KCNA2: variants seen among roughly 807,000 people sequenced by gnomAD.
KCNA2 encodes potassium channel, voltage gated shaker related subfamily A, member 2.
In KCNA2, 11 loss-of-function variants were observed where a neutral mutation model predicts 33.4. The observed-to-expected ratio is 0.33, with a 90% confidence interval of 0.21 to 0.55. The LOEUF (loss-of-function observed/expected upper bound fraction) is 0.55. Among genes scored for constraint, KCNA2 ranks in the 20% least tolerant of loss-of-function variants. KCNA2 has a pLI of 0.93. For synonymous variants in KCNA2, 222 were observed against 231.3 expected, an observed-to-expected ratio of 0.96 and a Z score of 0.37; for missense variants, 291 against 621.6, an observed-to-expected ratio of 0.47 and a Z score of 5.66.
upstream of KCNA2, among the ~76,000 whole-genome samples, chr1:110,611,335 C>A (rs184377849): frequency 4.8e-4 from 73 of 152,362 alleles, no homozygotes; most frequent in Admixed American, 3.9e-4. Flanking sequence ...AGATTAACTT[C>A]AGCTGCCTCT....
At position 110,599,775 on chromosome 1, in the gene KCNA2, G is replaced by A; in HGVS notation, c.*3508C>T. ...TTAAGAGAATAGGGCTGAATCTGGA[G>A]ATCCCAGGTGCTGGGAGAAGGGGAG... On this transcript the variant is annotated 3_prime_UTR_variant, in exon 3 of 3. Transcript: ENST00000316361. The A allele has an allele frequency of 1.0e-6, 1 of 985,500 alleles. No homozygotes were observed. The highest frequency in any genetic ancestry group is 1.2e-6 in the Non-Finnish European group (1 of 830,010). The allele number at this position is 985,500 out of a possible 1,614,324, so 61.0% of individuals were successfully genotyped here.
rs1039006496 is a variant in KCNA2, at chr1:110,600,374, T to G, written c.*2909A>C. The G allele has an allele frequency of 1.7e-5, 17 of 984,884 alleles. No homozygotes were observed. Among genetic ancestry groups the G allele is most frequent in the Non-Finnish European group, 2.0e-5 (17 of 829,794 alleles). The allele number at this position is 984,884 out of a possible 1,614,324, so 61.0% of individuals were successfully genotyped here. A position where few individuals can be genotyped will look rare whatever the true frequency, so the allele number is the denominator to read the frequency against. Reference sequence around the variant, plus strand: ...TGCATTTTGTCCATGTAGTTTTTTATGTATTTTGCATCTGAGTTTCAGGTT... The same window carrying G: ...TGCATTTTGTCCATGTAGTTTTTTAGGTATTTTGCATCTGAGTTTCAGGTT... On this transcript the variant is annotated 3_prime_UTR_variant, in exon 3 of 3. Coordinates refer to ENST00000316361, the MANE Select transcript of KCNA2 (RefSeq NM_004974.4).
At chr1:110,608,080 GGT>G (rs1649741446), upstream of KCNA2, 1 of 152,468 alleles carries the variant, frequency 6.6e-6, no homozygotes, top group Non-Finnish European at 1.5e-5. Flanking sequence ...CCTTGGGAAT[GGT>G]CAGCTACTCA....
In KCNA2 at chr1:110,595,134, C is replaced by A; in HGVS notation, c.*8149G>T. On this transcript the variant is annotated 3_prime_UTR_variant, in exon 3 of 3. Coordinates refer to ENST00000316361, the MANE Select transcript of KCNA2 (RefSeq NM_004974.4). ...GATAGCTACCAAGGGTCCTAGCACA[C>A]AGCCACATCTACACTGCCCTCAATG... is the stretch of plus-strand genomic sequence containing the variant. 2.0e-6 allele frequency: 2 copies of A among 985,390 alleles called. No individual in the cohort carries two copies. The highest frequency in any genetic ancestry group is 4.7e-5 in the South Asian group (1 of 21,274). The allele number at this position is 985,390 out of a possible 1,614,324, so 61.0% of individuals were successfully genotyped here. A position where few individuals can be genotyped will look rare whatever the true frequency, so the allele number is the denominator to read the frequency against.
upstream of KCNA2, among the ~76,000 whole-genome samples, chr1:110,608,675 G>A (rs533332935): frequency 6.6e-6 from 1 of 152,290 alleles, no homozygotes; most frequent in East Asian, 1.9e-4. Context: ...GGCTGGTATG[G>A]TTTAGAGCAC....
At chr1:110,619,358 G>T (rs936918870) in intron 1 of KCNA2, among the ~76,000 whole-genome samples, 18 of 152,212 alleles carry the variant, frequency 1.2e-4, no homozygotes, top group African/African-American at 4.3e-4. Context: ...CTTGTGCCTG[G>T]CACATAGGAA....
intron 1 of KCNA2, among the ~76,000 whole-genome samples, chr1:110,620,090 G>GAGAA (rs1491408571): frequency 3.1e-5 from 4 of 131,124 alleles, no homozygotes; most frequent in African/African-American, 1.3e-4. Context: ...GAGAGAGAGT[G>GAGAA]AGTGAGAGAG....
rs201611497 is a variant in KCNA2 at position 110,594,823 on chromosome 1, A to ATGTGCTCCTG, written c.*8459_*8460insCAGGAGCACA. The ATGTGCTCCTG allele has an allele frequency of 7.2e-4, 708 of 985,440 alleles. 2 individuals carry two copies. The African/African-American group carries it at 0.012, about 16-fold the overall frequency. 61.0% of individuals were successfully genotyped at this position (985,440 alleles called of 1,614,324 possible). On this transcript the variant is annotated 3_prime_UTR_variant, in exon 3 of 3. Coordinates refer to ENST00000316361, the MANE Select transcript of KCNA2 (RefSeq NM_004974.4). ...TATCCCATTTCTTAGCCTGGAGCTG[A>ATGTGCTCCTG]TGTGCTCCTTTCCAGCCCCACCTGG...
At chr1:110,607,333 T>TGCGG (rs1159101808), upstream of KCNA2, 1 of 150,620 alleles carries the variant, frequency 6.6e-6, no homozygotes, top group Admixed American at 6.6e-5. Flanking sequence ...GGCGGCGGGG[T>TGCGG]GCGGGCGGCC....
Position 110,602,431 on chromosome 1 carries a change from A to G in KCNA2, c.*852T>C. 7.6e-7 allele frequency: 1 copy of G among 1,314,288 alleles called. No individual in the cohort carries two copies. Among genetic ancestry groups the G allele is most frequent in the Non-Finnish European group, 9.7e-7 (1 of 1,031,778 alleles). 81.4% of individuals were successfully genotyped at this position (1,314,288 alleles called of 1,614,324 possible). A position where few individuals can be genotyped will look rare whatever the true frequency, so the allele number is the denominator to read the frequency against. The stretch of plus-strand genomic sequence containing the variant: ...TGCAGCTCTATTGCATCACTGGTAA[A>G]TTTCACTGCAGTGTCAGTGTAGCTG... On this transcript the variant is annotated 3_prime_UTR_variant, in exon 3 of 3. Coordinates refer to ENST00000316361, the MANE Select transcript of KCNA2 (RefSeq NM_004974.4).
Position 110,621,337 on chromosome 1 carries a change from C to T in KCNA2, c.-496+10058G>A, listed in dbSNP as rs114216736. 9.5e-3 allele frequency among the ~76,000 whole-genome samples: 1,444 copies of T among 152,194 alleles called. 21 individuals carry two copies. Among genetic ancestry groups the T allele is most frequent in the African/African-American group, 0.033 (1,386 of 41,512 alleles). On this transcript the variant is annotated intron_variant, in intron 1 of 4. Coordinates refer to the KCNA2 transcript ENST00000369770. ...GCCTGATTATAACTTCATTAAAAAGCAACAACAAGGGGTAGGATTTCTAGC... is the reference window on the plus strand; with the variant it reads ...GCCTGATTATAACTTCATTAAAAAGTAACAACAAGGGGTAGGATTTCTAGC...
In KCNA2 at chr1:110,604,838, G is replaced by C; in HGVS notation, c.-56C>G. On this transcript the variant is annotated 5_prime_UTR_variant, in exon 3 of 3. Coordinates refer to ENST00000316361, the MANE Select transcript of KCNA2 (RefSeq NM_004974.4). This position sits in a 1 kb window ranked among gnomAD's most constrained non-coding sequence, Gnocchi z 7.6. ...TGCCTTTCAGCTGCCTGGTGGCAGG[G>C]AGCTCAGGGTGCTGCTACTGGCCCC... The C allele has an allele frequency of 6.6e-7, 1 of 1,514,570 alleles. No individual in the cohort carries two copies. Among genetic ancestry groups the C allele is most frequent in the Non-Finnish European group, 9.0e-7 (1 of 1,114,892 alleles). 93.8% of individuals were successfully genotyped at this position (1,514,570 alleles called of 1,614,324 possible). A position where few individuals can be genotyped will look rare whatever the true frequency, so the allele number is the denominator to read the frequency against.
chr1:110,614,779 T>C (rs554044468), intron 1 of KCNA2, among the ~76,000 whole-genome samples: 1 of 152,264 alleles, frequency 6.6e-6, no homozygotes, highest in African/African-American at 2.4e-5. Flanking sequence ...CTGTCACTAT[T>C]TTGCTGAGAG....
rs1176245113 is a variant in KCNA2, at chr1:110,602,074, T to C, written c.*1209A>G. Reference sequence around the variant, plus strand: ...GATGCCCTGGTCCACTGTACAGTCATGCCCGCGACTAGGTTAATTCCTAAG... The same window carrying C: ...GATGCCCTGGTCCACTGTACAGTCACGCCCGCGACTAGGTTAATTCCTAAG... On this transcript the variant is annotated 3_prime_UTR_variant, in exon 3 of 3. Coordinates refer to ENST00000316361, the MANE Select transcript of KCNA2 (RefSeq NM_004974.4). The C allele has an allele frequency of 1.7e-5, 26 of 1,550,440 alleles. No individual in the cohort carries two copies. The highest frequency in any genetic ancestry group is 1.7e-4 in the Middle Eastern group (1 of 6,010).
chr1:110,601,069 C>T lies in KCNA2; in HGVS notation c.*2214G>A, dbSNP rs1037052673. On this transcript the variant is annotated 3_prime_UTR_variant, in exon 3 of 3. Transcript: ENST00000316361. ...CTGAAGCCATTTCAGGGTCAACCTACTGTCTACCTTTAGGCTGTGCAGTGC... is the reference window on the plus strand; with the variant it reads ...CTGAAGCCATTTCAGGGTCAACCTATTGTCTACCTTTAGGCTGTGCAGTGC... 1 of 985,456 alleles carries T rather than the reference C, an allele frequency of 1.0e-6. No homozygotes were observed. The highest frequency in any genetic ancestry group is 1.2e-6 in the Non-Finnish European group (1 of 829,948). 61.0% of individuals were successfully genotyped at this position (985,456 alleles called of 1,614,324 possible). A position where few individuals can be genotyped will look rare whatever the true frequency, so the allele number is the denominator to read the frequency against.
upstream of KCNA2, chr1:110,607,196 C>G (rs1649683440): frequency 6.6e-6 from 1 of 152,214 alleles, no homozygotes; most frequent in South Asian, 2.1e-4. Context: ...CTCTGGGCGC[C>G]GCAGCCGGGC....
chr1:110,616,440 A>T lies in KCNA2; in HGVS notation c.-495-10718T>A, dbSNP rs147541057. ...CTGCGCATCACTTCCCTTCTCTTCC[A>T]GCTGCACCTTTCCAAAGTCCAGGAG... On this transcript the variant is annotated intron_variant, in intron 1 of 4. Transcript: ENST00000369770. Among the ~76,000 whole-genome samples the T allele has an allele frequency of 7.4e-4, 113 of 152,354 alleles. No individual in the cohort carries two copies. The Middle Eastern group carries it at 0.014, about 18-fold the overall frequency.
rs35168981 is a variant in KCNA2, at chr1:110,602,108, A to G, written c.*1175T>C. On this transcript the variant is annotated 3_prime_UTR_variant, in exon 3 of 3. Transcript: ENST00000316361. ...CTAGGTTAATTCCTAAGGTGCAGTCATGTGAGGTGTTCAGATGCTGCCTTC... is the reference window on the plus strand; with the variant it reads ...CTAGGTTAATTCCTAAGGTGCAGTCGTGTGAGGTGTTCAGATGCTGCCTTC... 22 of 1,550,454 alleles carry G rather than the reference A, an allele frequency of 1.4e-5. No homozygotes were observed. In the South Asian group the frequency reaches 2.3e-4, roughly 16 times the overall value.
In KCNA2 at chr1:110,595,699, T is replaced by A. The variant is rs1649066445; in HGVS notation, c.*7584A>T. The A allele has an allele frequency of 9.1e-6, 9 of 985,462 alleles. No homozygotes were observed. Among genetic ancestry groups the A allele is most frequent in the Non-Finnish European group, 9.6e-6 (8 of 829,938 alleles). 61.0% of individuals were successfully genotyped at this position (985,462 alleles called of 1,614,324 possible). A position where few individuals can be genotyped will look rare whatever the true frequency, so the allele number is the denominator to read the frequency against. On this transcript the variant is annotated 3_prime_UTR_variant, in exon 3 of 3. Coordinates refer to ENST00000316361, the MANE Select transcript of KCNA2 (RefSeq NM_004974.4). Reference sequence around the variant, plus strand: ...TACAGCTTACCCCCAAAGAGGCAACTGAATTTCAGCTGCTCTAATACCCAC... The same window carrying A: ...TACAGCTTACCCCCAAAGAGGCAACAGAATTTCAGCTGCTCTAATACCCAC...
Sources: gnomAD v4.1 joint callset for allele counts (sites outside exome capture counted in the v4.1 genomes callset) on GRCh38, gnomAD v4.1.1 for gene constraint, Gnocchi (gnomAD v3.1) non-coding constraint, MANE v1.5 for transcripts, NCBI Gene and HGNC (gene_info 2026-07-23, HGNC 2026-07-21) for gene names.